Variants in ZFHX3 observed in about 807,000 individuals in gnomAD.
ZFHX3 encodes zinc finger homeobox 3.
In ZFHX3, 42 loss-of-function variants were observed where a neutral mutation model predicts 279.1. The observed-to-expected ratio is 0.15, with a 90% confidence interval of 0.12 to 0.19. The LOEUF (loss-of-function observed/expected upper bound fraction) is 0.19. Ranked by LOEUF, ZFHX3 falls within the 10% of genes least tolerant of loss-of-function variation. ZFHX3 has a pLI of 1.00. For missense variants in ZFHX3, 4,981 were observed against 4,754.0 expected, an observed-to-expected ratio of 1.05 and a Z score of -1.40; for synonymous variants, 2,293 against 1,957.8, an observed-to-expected ratio of 1.17 and a Z score of -4.52.
chr16:73,752,582 T>A (rs936913051), intron 1 of ZFHX3, among the ~76,000 whole-genome samples: 2 of 152,074 alleles, frequency 1.3e-5, no homozygotes, highest in African/African-American at 2.4e-5. Flanking sequence ...CAGCTATCAA[T>A]CCCAGCAGGA....
chr16:73,070,938 G>GCGCACACA (rs1213455130), intron 8 of ZFHX3, among the ~76,000 whole-genome samples: 7 of 22,620 alleles, frequency 3.1e-4, no homozygotes, highest in Admixed American at 5.8e-4. Context: ...GCGCGCGCGC[G>GCGCACACA]CACACACACA....
intron 4 of ZFHX3, among the ~76,000 whole-genome samples, chr16:73,266,767 T>C (rs1455528278): frequency 6.6e-6 from 1 of 152,250 alleles, no homozygotes; most frequent in African/African-American, 2.4e-5. Flanking sequence ...CACGGTTTTA[T>C]AAGCGGGAGT....
chr16:73,193,682 A>G (rs1567415109), intron 5 of ZFHX3, among the ~76,000 whole-genome samples: 1 of 152,180 alleles, frequency 6.6e-6, no homozygotes, highest in Non-Finnish European at 1.5e-5. Flanking sequence ...GCAGTACTGC[A>G]TAGTGGTGAA....
At chr16:73,547,810 A>G (rs1567515930) in intron 2 of ZFHX3, among the ~76,000 whole-genome samples, 1 of 152,228 alleles carries the variant, frequency 6.6e-6, no homozygotes. Flanking sequence ...ATCCTTCCAA[A>G]CCATATTCTT....
At chr16:73,790,121 A>G (rs1423653519) in intron 1 of ZFHX3, among the ~76,000 whole-genome samples, 1 of 152,190 alleles carries the variant, frequency 6.6e-6, no homozygotes, top group Admixed American at 6.5e-5. Flanking sequence ...ACAAATTTAG[A>G]GGAGGGAGAA....
chr16:73,296,536 T>TA (rs2014913732), intron 4 of ZFHX3, among the ~76,000 whole-genome samples: 1 of 152,200 alleles, frequency 6.6e-6, no homozygotes, highest in Admixed American at 6.5e-5. Context: ...ACTTGTACAT[T>TA]ACAAGGCCCA....
intron 1 of ZFHX3, among the ~76,000 whole-genome samples, chr16:73,028,604 A>T (rs955766506): frequency 6.6e-6 from 1 of 152,212 alleles, no homozygotes; most frequent in African/African-American, 2.4e-5. Context: ...TTAGAACTCA[A>T]GACACAGAAT....
chr16:73,290,196 C>T (rs1261724391), intron 4 of ZFHX3, among the ~76,000 whole-genome samples: 1 of 152,184 alleles, frequency 6.6e-6, no homozygotes, highest in Non-Finnish European at 1.5e-5. Context: ...TCTGTGCCTT[C>T]CCTGATGGAG....
chr16:73,187,889 C>G (rs1431496638), intron 5 of ZFHX3, among the ~76,000 whole-genome samples: 1 of 152,120 alleles, frequency 6.6e-6, no homozygotes, highest in Non-Finnish European at 1.5e-5. Flanking sequence ...GACGGAGTCT[C>G]GCTCTGTCGC....
rs58052486 is a variant in ZFHX3 at position 73,134,331 on chromosome 16, CTTTTTTTTTTTTT to C, written c.-1023-3250_-1023-3238del. On this transcript the variant is annotated intron_variant, in intron 6 of 17. Transcript: ENST00000641206. Reference sequence around the variant, plus strand: ...ACCTTCCGTGTTAGTCTCCCCACCTCTTTTTTTTTTTTTTTTTTTTTTTTTTTTTTAAGAGACA... The same window carrying C: ...ACCTTCCGTGTTAGTCTCCCCACCTCTTTTTTTTTTTTTTTTTAAGAGACA... 2.6e-4 allele frequency among the ~76,000 whole-genome samples: 13 copies of C among 50,316 alleles called. No homozygotes were observed. In the East Asian group the frequency reaches 4.3e-3, roughly 17 times the overall value. 33.0% of individuals were successfully genotyped at this position (50,316 alleles called of 152,430 possible).
chr16:73,434,317 G>T (rs182971105), intron 3 of ZFHX3, among the ~76,000 whole-genome samples: 3 of 152,300 alleles, frequency 2.0e-5, no homozygotes, highest in Admixed American at 6.5e-5. Flanking sequence ...AAAGGTGAAC[G>T]GGAGGTCTGT....
At chr16:73,820,355 G>A (rs190250720) in intron 1 of ZFHX3, among the ~76,000 whole-genome samples, 53 of 152,270 alleles carry the variant, frequency 3.5e-4, no homozygotes, top group African/African-American at 1.3e-3. Flanking sequence ...TTACAGATGT[G>A]AGCCACCACA....
intron 1 of ZFHX3, among the ~76,000 whole-genome samples, chr16:73,043,888 T>C (rs1965203076): frequency 6.6e-6 from 1 of 152,238 alleles, no homozygotes. Flanking sequence ...CTGACAGTTG[T>C]TGATTTTGTA....
At chr16:73,432,863 T>G (rs150710073) in intron 3 of ZFHX3, among the ~76,000 whole-genome samples, 1,721 of 152,246 alleles carry the variant, frequency 0.011, 22 homozygotes, top group African/African-American at 0.036. Flanking sequence ...CATTTCAAGC[T>G]CCCCTGCCTC....
intron 1 of ZFHX3, among the ~76,000 whole-genome samples, chr16:73,860,235 G>T (rs1961845518): frequency 6.6e-6 from 1 of 152,136 alleles, no homozygotes; most frequent in African/African-American, 2.4e-5. Flanking sequence ...CAAATGTAAT[G>T]TTCCCCCAAG....
chr16:73,486,096 T>C (rs1348243068), intron 2 of ZFHX3, among the ~76,000 whole-genome samples: 2 of 152,194 alleles, frequency 1.3e-5, no homozygotes, highest in African/African-American at 2.4e-5. Context: ...GCCTAAAGTA[T>C]TGAGGCAGCA....
At chr16:73,761,008 A>C (rs1233180120) in intron 1 of ZFHX3, among the ~76,000 whole-genome samples, 1 of 151,948 alleles carries the variant, frequency 6.6e-6, no homozygotes, top group African/African-American at 2.4e-5. Flanking sequence ...AAAAAAAAAA[A>C]AAGGGTATTA....
intron 2 of ZFHX3, among the ~76,000 whole-genome samples, chr16:73,636,501 G>A (rs529639218): frequency 1.3e-5 from 2 of 152,166 alleles, no homozygotes; most frequent in East Asian, 3.9e-4. Context: ...TTGTCTACCT[G>A]ATAAAACATC....
At chr16:73,261,678 T>TG (rs2013830244) in intron 4 of ZFHX3, among the ~76,000 whole-genome samples, 1 of 144,580 alleles carries the variant, frequency 6.9e-6, no homozygotes, top group African/African-American at 2.5e-5. Context: ...GTTTTTTTTT[T>TG]TTTTTTTTTT....
Sources: allele counts gnomAD v4.1 joint callset (sites outside exome capture counted in the v4.1 genomes callset), GRCh38; gene constraint gnomAD v4.1.1; transcripts MANE v1.5; gene names NCBI Gene and HGNC (gene_info 2026-07-23, HGNC 2026-07-21).